DDB1: variants seen among roughly 807,000 people sequenced by gnomAD.
DDB1 encodes the protein damage specific DNA binding protein 1.
Under a neutral mutation model 133.1 loss-of-function variants are expected in DDB1, and 18 were observed. The observed-to-expected ratio is 0.14, with a 90% CI of 0.09 to 0.20. DDB1 has a LOEUF of 0.20. Among genes scored for constraint, DDB1 ranks in the 10% least tolerant of loss-of-function variants. The pLI, the probability that DDB1 is intolerant of heterozygous loss-of-function variation, is 1.00. For synonymous variants in DDB1, 580 were observed against 550.5 expected (o/e 1.05, Z -0.75); for missense variants, 828 against 1,459.2 (o/e 0.57, Z 7.05).
rs1475340494 is a variant in DDB1 at position 61,313,934 on chromosome 11, C to T, written c.1789G>A (p.Glu597Lys). Residue 597 changes from glutamate (E) to lysine (K), a missense_variant, in exon 15 of 27, where the codon GAG (glutamate) becomes AAG (lysine). Transcript: ENST00000301764. The part of the protein sequence containing the change: ...IPRSILMTTF[E>K]SSHYLLCALG... ...GCACAAAGGAGGTAATGGCTACTCTCAAAGGTGGTCATCAGGATGGAGCGA... is the reference window on the plus strand; with the variant it reads ...GCACAAAGGAGGTAATGGCTACTCTTAAAGGTGGTCATCAGGATGGAGCGA... 1 of 1,614,108 alleles carries T rather than the reference C, an allele frequency of 6.2e-7. No homozygotes were observed. The highest frequency in any genetic ancestry group is 8.5e-7 in the Non-Finnish European group (1 of 1,180,034).
chr11:61,322,738 T>C (rs1175888332), intron 8 of DDB1: 1 of 543,882 alleles, frequency 1.8e-6, no homozygotes, highest in Non-Finnish European at 3.3e-6. Context: ...AAGAAGTCCA[T>C]TACATTAAAC....
intron 10 of DDB1, among the ~76,000 whole-genome samples, chr11:61,317,263 G>C (rs960016115): frequency 6.6e-6 from 1 of 151,138 alleles, no homozygotes; most frequent in Non-Finnish European, 1.5e-5. Context: ...GCAGGTGCCC[G>C]CCACCACACC....
In DDB1 at chr11:61,303,060, CACAA is replaced by C; in HGVS notation, c.2924_2927del (p.Phe975CysfsTer38). The C allele has an allele frequency of 6.2e-7, 1 of 1,614,182 alleles. No homozygotes were observed. The highest frequency in any genetic ancestry group is 8.5e-7 in the Non-Finnish European group (1 of 1,180,010). On this transcript the variant is annotated frameshift_variant, in exon 23 of 27. Transcript: ENST00000301764. LOFTEE classifies it high-confidence loss of function. ...CCACTACTCACCTATCCTTTTGACA[CACAA>C]ACAAGTTAAAGGCATTTTCAGCCCC... is the stretch of plus-strand genomic sequence containing the variant.
chr11:61,314,345 A>G lies in DDB1; in HGVS notation c.1552T>C (p.Tyr518His). 6.2e-7 allele frequency: 1 copy of G among 1,613,900 alleles called. No homozygotes were observed. Among genetic ancestry groups the G allele is most frequent in the Admixed American group, 1.7e-5 (1 of 59,942 alleles). The change falls in exon 13 of 27, where the codon TAT (tyrosine) becomes CAT (histidine). Residue 518 changes from tyrosine (Y) to histidine (H), a missense_variant. Tyr to His is a moderately conservative substitution (Grantham distance 83). Transcript: ENST00000301764. The part of the protein sequence containing the change: ...VVVAVGRALY[Y>H]LQIHPQELRQ... ...AGCTCCTGAGGATGGATCTGCAGAT[A>G]GTAGAGGGCCCTGCCTACAGCCACC... is the stretch of plus-strand genomic sequence containing the variant.
At chr11:61,303,243 G>T in intron 22 of DDB1, 88 bp from the exon 23 acceptor site, 7 of 1,180,652 alleles carry the variant, frequency 5.9e-6, no homozygotes, top group Admixed American at 1.7e-5. Flanking sequence ...TTATTCAGGA[G>T]CAAGGCCCCA....
In DDB1 at chr11:61,300,320, T is replaced by C. The variant is rs1429158262; in HGVS notation, c.3340-101A>G. The stretch of plus-strand genomic sequence containing the variant: ...GTGAAGGAGGCACAAGACTCCACCA[T>C]TGTCATGGCAGAGGAAGGACTCACC... On this transcript the variant is annotated intron_variant, in intron 26 of 26. Transcript: ENST00000301764. 4.9e-6 allele frequency: 6 copies of C among 1,230,182 alleles called. No individual in the cohort carries two copies. In the East Asian group the frequency reaches 1.0e-4, roughly 20 times the overall value. The allele number at this position is 1,230,182 out of a possible 1,614,324, so 76.2% of individuals were successfully genotyped here.
At chr11:61,309,292 C>T (rs888392688) in intron 20 of DDB1, among the ~76,000 whole-genome samples, 6 of 152,136 alleles carry the variant, frequency 3.9e-5, no homozygotes, top group Admixed American at 1.3e-4. Context: ...CTAGGATCTG[C>T]CCCCTCGCCC....
intron 8 of DDB1, 108 bp downstream of exon 8, chr11:61,322,903 G>A: frequency 1.2e-6 from 1 of 833,694 alleles, no homozygotes. Context: ...TGGATAGTAG[G>A]GATGTGGATA....
Position 61,333,097 on chromosome 11 carries a change from T to G in DDB1, c.-129A>C. On this transcript the variant is annotated 5_prime_UTR_variant, in exon 1 of 27. Coordinates refer to ENST00000301764, the MANE Select transcript of DDB1 (RefSeq NM_001923.5). ...CCGCTGCCTCCGCCCCAGAGACACG[T>G]TGCAGGCCAGAGCGGCCGGGGCGCG... 1 of 866,022 alleles carries G rather than the reference T, an allele frequency of 1.2e-6. No individual in the cohort carries two copies. The highest frequency in any genetic ancestry group is 3.3e-5 in the East Asian group (1 of 30,034). The allele number at this position is 866,022 out of a possible 1,614,324, so 53.6% of individuals were successfully genotyped here.
At chr11:61,303,653 G>A (rs1375886399) in intron 22 of DDB1, among the ~76,000 whole-genome samples, 7 of 139,828 alleles carry the variant, frequency 5.0e-5, no homozygotes, top group African/African-American at 2.0e-4. Context: ...GCAGTAAGCC[G>A]AGATCGCACC....
Position 61,304,928 on chromosome 11 carries a change from A to G in DDB1, c.2662-893T>C, listed in dbSNP as rs1010475393. On this transcript the variant is annotated intron_variant, in intron 21 of 26. Transcript: ENST00000301764. ...GAAACTGCTTTTTTCTGTCTCCACCACAGTGCTTCTTCAATTACAACCACA... is the reference window on the plus strand; with the variant it reads ...GAAACTGCTTTTTTCTGTCTCCACCGCAGTGCTTCTTCAATTACAACCACA... Among the ~76,000 whole-genome samples the G allele has an allele frequency of 2.0e-5, 3 of 151,970 alleles. No individual in the cohort carries two copies. The East Asian group carries it at 5.8e-4, about 29-fold the overall frequency.
At chr11:61,323,307 A>G in intron 7 of DDB1, 1 of 564,884 alleles carries the variant, frequency 1.8e-6, no homozygotes, top group South Asian at 2.3e-5. Flanking sequence ...ACTCAGAAAA[A>G]TCTATAATTT....
intron 4 of DDB1, among the ~76,000 whole-genome samples, chr11:61,327,704 T>A (rs28720271): frequency 6.6e-6 from 1 of 152,180 alleles, no homozygotes; most frequent in Non-Finnish European, 1.5e-5. Flanking sequence ...TTATGACTCA[T>A]GTCAGTCCTG....
intron 1 of DDB1, 117 bp downstream of exon 1, chr11:61,332,791 G>T: frequency 1.1e-6 from 1 of 875,902 alleles, no homozygotes; most frequent in Non-Finnish European, 1.6e-6. Flanking sequence ...GGCCGCCAGC[G>T]CCTTCCATTC....
At chr11:61,324,425 T>C (rs1267496289) in intron 6 of DDB1, 1 of 324,802 alleles carries the variant, frequency 3.1e-6, no homozygotes, top group South Asian at 3.9e-5. Context: ...AGGAAGCTGC[T>C]GCCAAAATCT....
chr11:61,307,177 C>T (rs1855893633), intron 21 of DDB1, among the ~76,000 whole-genome samples: 1 of 152,234 alleles, frequency 6.6e-6, no homozygotes, highest in South Asian at 2.1e-4. Context: ...TGTTTCCCAG[C>T]TTGAAAAATT....
chr11:61,304,725 A>T (rs1855856916), intron 21 of DDB1, among the ~76,000 whole-genome samples: 1 of 151,606 alleles, frequency 6.6e-6, no homozygotes, highest in African/African-American at 2.4e-5. Flanking sequence ...ATACAAAAAA[A>T]AAATTAGCCA....
chr11:61,332,465 T>C, intron 1 of DDB1: 1 of 157,872 alleles, frequency 6.3e-6, no homozygotes, highest in South Asian at 2.0e-4. Context: ...AGAGGGCTCC[T>C]CTCCCTCTGT....
intron 21 of DDB1, among the ~76,000 whole-genome samples, chr11:61,304,483 G>T (rs761587629): frequency 6.6e-6 from 1 of 151,740 alleles, no homozygotes; most frequent in Admixed American, 6.6e-5. Flanking sequence ...AAGAAAGAAA[G>T]AAAGAAAGAA....
Sources: allele counts gnomAD v4.1 joint callset (sites outside exome capture counted in the v4.1 genomes callset), GRCh38; gene constraint gnomAD v4.1.1; transcripts MANE v1.5; gene names NCBI Gene and HGNC (gene_info 2026-07-23, HGNC 2026-07-21).